Variants in AQP4 observed in about 807,000 individuals in gnomAD.
The protein encoded by AQP4 is aquaporin-4.
A neutral mutation model predicts 27.8 loss-of-function variants in AQP4; 18 were observed. The ratio of observed to expected loss-of-function variants is 0.65; its 90% confidence interval spans 0.45 to 0.96. The LOEUF is 0.96. Ranked by LOEUF, AQP4 falls within the 40% of genes least tolerant of loss-of-function variation. The pLI is 0.00. For missense variants in AQP4, 412 were observed against 408.2 expected, an observed-to-expected ratio of 1.01 and a Z score of -0.08; for synonymous variants, 141 against 142.9, an observed-to-expected ratio of 0.99 and a Z score of 0.10.
In AQP4 at chr18:26,852,848, C is replaced by T. The variant is rs7240333; in HGVS notation, c.*3363G>A. On this transcript the variant is annotated 3_prime_UTR_variant, in exon 5 of 5. Transcript: ENST00000383168. ...ATATTGTTTGATAAGGTTGTCTGTG[C>T]CCCCCAGACTTCCATCTTCAGTTGC... 38,026 of 398,360 alleles carry T rather than the reference C, an allele frequency of 0.095. 2,098 individuals are homozygous for T. Among genetic ancestry groups the T allele is most frequent in the Admixed American group, 0.12 (2,800 of 22,706 alleles). 24.7% of individuals were successfully genotyped at this position (398,360 alleles called of 1,614,324 possible). A position where few individuals can be genotyped will look rare whatever the true frequency, so the allele number is the denominator to read the frequency against.
intron 1 of AQP4, chr18:26,863,111 G>A (rs77905661): frequency 0.03 from 5,292 of 174,690 alleles, 105 homozygotes; most frequent in South Asian, 0.097. Context: ...AGGAAACCAG[G>A]GTGCTGAAGG....
intron 1 of AQP4, 60 bp downstream of exon 1, chr18:26,865,598 A>G (rs2055045479): frequency 1.2e-6 from 2 of 1,609,486 alleles, no homozygotes; most frequent in East Asian, 4.5e-5. Flanking sequence ...TCTATAATAA[A>G]AGAGACAGTT....
In AQP4 at chr18:26,862,569, C is replaced by T; in HGVS notation, c.60G>A (p.Glu20=). 6.2e-7 allele frequency: 1 copy of T among 1,614,044 alleles called. No individual in the cohort carries two copies. Among genetic ancestry groups the T allele is most frequent in the South Asian group, 1.1e-5 (1 of 91,074 alleles). Residue 20 remains glutamate (E), a synonymous_variant, in exon 2 of 5, where the codon GAG becomes GAA. Transcript: ENST00000383168. ...WGKCGPLCTR[E]NIMVAFKGVW... is the part of the protein sequence containing the mutation. The stretch of plus-strand genomic sequence containing the variant: ...CCCCTTTGAAAGCCACCATGATGTT[C>T]TCTCTGGTACACAAAGGTCCACACT...
chr18:26,861,133 CA>C lies in AQP4; in HGVS notation c.609del (p.Phe203LeufsTer10). 1 of 1,614,018 alleles carries C rather than the reference CA, an allele frequency of 6.2e-7. No individual in the cohort carries two copies. The highest frequency in any genetic ancestry group is 1.1e-5 in the South Asian group (1 of 91,080). Reference sequence around the variant, plus strand: ...TTTAAATGGACTTGGAAACTTACTGCAAATAAATGTCCAATTGCAACAGAAA... The same window carrying C: ...TTTAAATGGACTTGGAAACTTACTGCAATAAATGTCCAATTGCAACAGAAA... The part of the protein sequence containing the change: ...IGFSVAIGHL[F>X]AINYTGASMN... On this transcript the variant is annotated frameshift_variant, in exon 3 of 5. Coordinates refer to ENST00000383168, the MANE Select transcript of AQP4 (RefSeq NM_001650.7). LOFTEE classifies it high-confidence loss of function.
chr18:26,857,250 G>GA lies in AQP4; in HGVS notation c.694-762dup, dbSNP rs796376868. The stretch of plus-strand genomic sequence containing the variant: ...TATGCGGTTCTCACGATGGCTTGGT[G>GA]AAAAAATATGAGTTTATGGCTAGTT... On this transcript the variant is annotated intron_variant, in intron 4 of 4. Transcript: ENST00000383168. Among the ~76,000 whole-genome samples the GA allele has an allele frequency of 1.2e-3, 176 of 152,016 alleles. 1 individual carries two copies. Among genetic ancestry groups the GA allele is most frequent in the African/African-American group, 3.9e-3 (163 of 41,490 alleles).
At chr18:26,857,171 T>C (rs2054859277) in intron 4 of AQP4, among the ~76,000 whole-genome samples, 1 of 152,128 alleles carries the variant, frequency 6.6e-6, no homozygotes, top group Non-Finnish European at 1.5e-5. Context: ...CAAAATTTGG[T>C]GATTTGATTT....
intron 4 of AQP4, 49 bp from the exon 5 acceptor site, chr18:26,856,538 C>A: frequency 6.3e-7 from 1 of 1,593,828 alleles, no homozygotes; most frequent in Non-Finnish European, 8.6e-7. Context: ...AAAAGCTATT[C>A]CATTGAGCAG....
chr18:26,862,940 GTACATTTTATATGCTACT>G, intron 1 of AQP4: 1 of 274,330 alleles, frequency 3.6e-6, no homozygotes, highest in Non-Finnish European at 6.9e-6. Context: ...TAAGTTTCGA[GTACATTTTATATGCTACT>G]TACATTTCGA....
At chr18:26,864,280 G>T (rs1375465165) in intron 1 of AQP4, among the ~76,000 whole-genome samples, 1 of 152,196 alleles carries the variant, frequency 6.6e-6, no homozygotes, top group East Asian at 1.9e-4. Flanking sequence ...GTGCCAAAAA[G>T]GGTGAGGGGA....
Position 26,856,091 on chromosome 18 carries a change from T to G in AQP4, c.*120A>C. On this transcript the variant is annotated 3_prime_UTR_variant, in exon 5 of 5. Transcript: ENST00000383168. ...TATTTATTGTTTAGACTGAGTAATATGACATGAAACAACAAACCTGCACAT... is the reference window on the plus strand; with the variant it reads ...TATTTATTGTTTAGACTGAGTAATAGGACATGAAACAACAAACCTGCACAT... 2.4e-6 allele frequency: 3 copies of G among 1,236,862 alleles called. No homozygotes were observed. Among genetic ancestry groups the G allele is most frequent in the South Asian group, 1.2e-5 (1 of 82,162 alleles). The allele number at this position is 1,236,862 out of a possible 1,614,324, so 76.6% of individuals were successfully genotyped here.
At position 26,856,255 on chromosome 18, in the gene AQP4, TCTC is replaced by T. The variant is rs1249749731; in HGVS notation, c.925_927del (p.Glu309del). The T allele has an allele frequency of 1.2e-6, 2 of 1,614,172 alleles. No individual in the cohort carries two copies. The highest frequency in any genetic ancestry group is 1.7e-5 in the Admixed American group (1 of 60,018). ...TCTCCAGATTGGTCTTTCCCCTTCTTCTCCTCTCCCCGGTCAACGTCAATCACA... is the reference window on the plus strand; with the variant it reads ...TCTCCAGATTGGTCTTTCCCCTTCTTCTCTCCCCGGTCAACGTCAATCACA... On this transcript the variant is annotated inframe_deletion, in exon 5 of 5. Transcript: ENST00000383168.
At chr18:26,864,859 C>T (rs1040652185) in intron 1 of AQP4, among the ~76,000 whole-genome samples, 1 of 152,044 alleles carries the variant, frequency 6.6e-6, no homozygotes, top group South Asian at 2.1e-4. Flanking sequence ...CTGCTCACCC[C>T]CTTCACCTCT....
rs147322498 is a variant in AQP4 at position 26,865,228 on chromosome 18, G to A, written c.32+430C>T. ...GTTCCCTTATATGTTCACAGTCACTGGAAATGATCAACACAATTAGATTTG... is the reference window on the plus strand; with the variant it reads ...GTTCCCTTATATGTTCACAGTCACTAGAAATGATCAACACAATTAGATTTG... On this transcript the variant is annotated intron_variant, in intron 1 of 4. Coordinates refer to ENST00000383168, the MANE Select transcript of AQP4 (RefSeq NM_001650.7). 32 of 304,598 alleles carry A rather than the reference G, an allele frequency of 1.1e-4. No individual in the cohort carries two copies. In the Middle Eastern group the frequency reaches 3.5e-3, roughly 33 times the overall value. 18.9% of individuals were successfully genotyped at this position (304,598 alleles called of 1,614,324 possible).
intron 4 of AQP4, among the ~76,000 whole-genome samples, chr18:26,858,852 A>G (rs562469544): frequency 6.6e-6 from 1 of 152,376 alleles, no homozygotes; most frequent in Non-Finnish European, 1.5e-5. Context: ...CTAAAAATCT[A>G]GAAAATGTGT....
intron 4 of AQP4, among the ~76,000 whole-genome samples, chr18:26,857,326 T>TTAC (rs2054862323): frequency 1.3e-5 from 2 of 150,584 alleles, no homozygotes; most frequent in South Asian, 4.2e-4. Flanking sequence ...ATTATTATTA[T>TTAC]TATTATTATT....
At chr18:26,859,511 A>G (rs1006871290) in intron 4 of AQP4, among the ~76,000 whole-genome samples, 1 of 152,182 alleles carries the variant, frequency 6.6e-6, no homozygotes, top group Non-Finnish European at 1.5e-5. Context: ...ACAGAGCAAG[A>G]CTCCATCTCA....
At chr18:26,864,311 C>T (rs1357144346) in intron 1 of AQP4, among the ~76,000 whole-genome samples, 2 of 152,132 alleles carry the variant, frequency 1.3e-5, no homozygotes, top group Non-Finnish European at 2.9e-5. Flanking sequence ...CAGCCTAGCC[C>T]TTAGTTTGCT....
intron 1 of AQP4, among the ~76,000 whole-genome samples, chr18:26,863,942 G>A (rs1375129058): frequency 6.6e-6 from 1 of 151,732 alleles, no homozygotes; most frequent in Admixed American, 6.6e-5. Flanking sequence ...GTGGTTTGAC[G>A]ATATTGATGC....
At chr18:26,860,988 G>A in intron 3 of AQP4, 136 bp from the exon 4 acceptor site, 1 of 1,372,028 alleles carries the variant, frequency 7.3e-7, no homozygotes. Flanking sequence ...TTCTCATTGA[G>A]CAGTTGGAAA....
Sources: gnomAD v4.1 joint callset for allele counts (sites outside exome capture counted in the v4.1 genomes callset) on GRCh38, gnomAD v4.1.1 for gene constraint, MANE v1.5 for transcripts, NCBI Gene and HGNC (gene_info 2026-07-23, HGNC 2026-07-21) for gene names.